Variants in DTNA observed in about 807,000 individuals in gnomAD.
DTNA encodes the protein dystrophin-related protein 3.
DTNA carries 43 observed loss-of-function variants against 100.7 expected under a neutral mutation model. The ratio of observed to expected loss-of-function variants is 0.43; its 90% CI spans 0.33 to 0.55. The LOEUF (loss-of-function observed/expected upper bound fraction) is 0.55, where lower values mean the gene tolerates loss of function less well. Among genes scored for constraint, DTNA ranks in the 20% least tolerant of loss-of-function variants. The pLI, the probability that DTNA is intolerant of heterozygous loss-of-function variation, is 0.04. For synonymous variants in DTNA, 349 were observed against 347.9 expected (o/e 1.00, Z -0.04); for missense variants, 798 against 953.9 (o/e 0.84, Z 2.15).
intron 1 of DTNA, among the ~76,000 whole-genome samples, chr18:34,521,162 T>C (rs918329494): frequency 1.3e-5 from 2 of 152,162 alleles, no homozygotes; most frequent in Admixed American, 6.6e-5. Flanking sequence ...TCCTCCAGGC[T>C]TCCCTCATCC....
chr18:34,546,299 T>G (rs187230754), intron 1 of DTNA, among the ~76,000 whole-genome samples: 1 of 152,234 alleles, frequency 6.6e-6, no homozygotes, highest in East Asian at 1.9e-4. Context: ...TCATCCTAAC[T>G]GAACACCTTA....
chr18:34,597,891 A>G (rs2050971779), intron 1 of DTNA, among the ~76,000 whole-genome samples: 1 of 149,748 alleles, frequency 6.7e-6, no homozygotes, highest in Non-Finnish European at 1.5e-5. Context: ...TTAAGTGTAT[A>G]GCTCACCCAC....
At chr18:34,831,742 G>T (rs1431500028) in intron 11 of DTNA, among the ~76,000 whole-genome samples, 4 of 152,046 alleles carry the variant, frequency 2.6e-5, no homozygotes, top group Non-Finnish European at 5.9e-5. Context: ...CACTCCAGCC[G>T]GGACAACAAG....
In DTNA at chr18:34,498,862, C is replaced by T. The variant is rs539448662; in HGVS notation, c.-2+5348C>T. Among the ~76,000 whole-genome samples, 11 of 152,190 alleles carry T rather than the reference C, an allele frequency of 7.2e-5. No individual in the cohort carries two copies. In the South Asian group the frequency reaches 1.2e-3, roughly 17 times the overall value. On this transcript the variant is annotated intron_variant, in intron 1 of 19. Transcript: ENST00000283365. The stretch of plus-strand genomic sequence containing the variant: ...CATACTATACATTTATTTTGCATTG[C>T]CAAACATAATCTGCATAATTAGAAT...
rs548967958 is a variant in DTNA at position 34,825,796 on chromosome 18, A to G, written c.1002-1797A>G. Among the ~76,000 whole-genome samples the G allele has an allele frequency of 2.6e-5, 4 of 152,326 alleles. No individual in the cohort carries two copies. The South Asian group carries it at 8.3e-4, about 32-fold the overall frequency. The stretch of plus-strand genomic sequence containing the variant: ...TTGTTTTCTCATTTTTAGACAGAGC[A>G]AGAAGGAAAAATTTTTAAAAAAAGA... On this transcript the variant is annotated intron_variant, in intron 9 of 22. Transcript: ENST00000444659.
At chr18:34,779,438 T>A (rs191840809) in intron 3 of DTNA, among the ~76,000 whole-genome samples, 4 of 152,294 alleles carry the variant, frequency 2.6e-5, no homozygotes, top group Admixed American at 2.0e-4. Context: ...ATATGCACAT[T>A]CTAGAGGTAG....
chr18:34,658,500 G>A (rs2074714901), intron 1 of DTNA, among the ~76,000 whole-genome samples: 2 of 151,378 alleles, frequency 1.3e-5, no homozygotes, highest in Admixed American at 1.3e-4. Flanking sequence ...CAACAGGAGT[G>A]TGCCACCATA....
intron 1 of DTNA, among the ~76,000 whole-genome samples, chr18:34,565,466 G>C (rs971619552): frequency 1.3e-5 from 2 of 152,136 alleles, no homozygotes; most frequent in Non-Finnish European, 2.9e-5. Context: ...AAACTTGATG[G>C]CTTGAAAAAA....
intron 16 of DTNA, among the ~76,000 whole-genome samples, chr18:34,862,239 A>G (rs1011609313): frequency 3.3e-5 from 5 of 151,926 alleles, no homozygotes; most frequent in African/African-American, 1.2e-4. Context: ...CCAGGAAGAC[A>G]AAGACTAAAA....
intron 1 of DTNA, among the ~76,000 whole-genome samples, chr18:34,512,249 A>G (rs1017493222): frequency 6.6e-6 from 1 of 151,736 alleles, no homozygotes; most frequent in African/African-American, 2.4e-5. Flanking sequence ...TTTTTTTTCT[A>G]AAAAAATTTA....
intron 1 of DTNA, among the ~76,000 whole-genome samples, chr18:34,509,188 C>T (rs1404695099): frequency 1.3e-5 from 2 of 152,092 alleles, no homozygotes; most frequent in South Asian, 2.1e-4. Flanking sequence ...AGGAACCACT[C>T]CTTTAGGAAC....
chr18:34,876,088 C>T (rs1426979635), intron 18 of DTNA, among the ~76,000 whole-genome samples: 3 of 152,156 alleles, frequency 2.0e-5, no homozygotes, highest in Non-Finnish European at 4.4e-5. Context: ...CTTTCATTCC[C>T]AGAAGTAACC....
chr18:34,566,659 CTTA>C (rs2047115591), intron 1 of DTNA, among the ~76,000 whole-genome samples: 1 of 152,182 alleles, frequency 6.6e-6, no homozygotes, highest in Non-Finnish European at 1.5e-5. Context: ...TGCAGGACAT[CTTA>C]TTATATTCAC....
At chr18:34,760,724 C>T (rs78382804) in intron 2 of DTNA, among the ~76,000 whole-genome samples, 2,181 of 152,300 alleles carry the variant, frequency 0.014, 55 homozygotes, top group African/African-American at 0.05. Flanking sequence ...CACTCCTGTT[C>T]CCAAGTTTGT....
intron 11 of DTNA, 89 bp downstream of exon 11, chr18:34,829,578 C>A (rs1236281122): frequency 2.5e-5 from 32 of 1,298,116 alleles, no homozygotes; most frequent in Non-Finnish European, 3.1e-5. Context: ...AAAATCCTCT[C>A]ATAGTACGTC....
rs2096961648 is a variant in DTNA, at chr18:34,890,953, A to G, written c.*3219A>G. 1 of 153,114 alleles carries G rather than the reference A, an allele frequency of 6.5e-6. No individual in the cohort carries two copies. Among genetic ancestry groups the G allele is most frequent in the African/African-American group, 2.4e-5 (1 of 41,440 alleles). The allele number at this position is 153,114 out of a possible 1,614,324, so 9.5% of individuals were successfully genotyped here. ...TAGTTCTTGGCTGTTAACCGTAGAT[A>G]GATCTTGTAAATCCAGCAACCTTTG... On this transcript the variant is annotated 3_prime_UTR_variant, in exon 23 of 23. Transcript: ENST00000444659.
intron 15 of DTNA, 55 bp from the exon 16 acceptor site, chr18:34,858,230 T>C: frequency 6.5e-7 from 1 of 1,544,474 alleles, no homozygotes; most frequent in Middle Eastern, 1.7e-4. Context: ...GCTCCGATGT[T>C]AGTTTCCTGA....
intron 1 of DTNA, among the ~76,000 whole-genome samples, chr18:34,511,067 A>G (rs1426730851): frequency 6.6e-6 from 1 of 152,076 alleles, no homozygotes; most frequent in Non-Finnish European, 1.5e-5. Flanking sequence ...TGAAAGACAA[A>G]GCCACATTAA....
At chr18:34,587,341 A>G (rs1156645615) in intron 1 of DTNA, among the ~76,000 whole-genome samples, 1 of 151,908 alleles carries the variant, frequency 6.6e-6, no homozygotes, top group African/African-American at 2.4e-5. Context: ...ATGCTAAAAC[A>G]GACACTCCTG....
Sources: allele counts gnomAD v4.1 joint callset (sites outside exome capture counted in the v4.1 genomes callset), GRCh38; gene constraint gnomAD v4.1.1; transcripts MANE v1.5; gene names NCBI Gene and HGNC (gene_info 2026-07-23, HGNC 2026-07-21).